CACNA2D3: variants seen among roughly 807,000 people sequenced by gnomAD.
CACNA2D3 encodes voltage-dependent calcium channel subunit alpha-2/delta-3.
In CACNA2D3, 60 loss-of-function variants were observed where a neutral mutation model predicts 160.6. That is an observed-to-expected ratio of 0.37 (90% CI 0.30 to 0.46). CACNA2D3 has a LOEUF of 0.46. Among genes scored for constraint, CACNA2D3 ranks in the 20% least tolerant of loss-of-function variants. The pLI, the probability that CACNA2D3 is intolerant of heterozygous loss-of-function variation, is 1.00. For missense variants in CACNA2D3, 1,205 were observed against 1,365.0 expected (o/e 0.88, Z 1.85); for synonymous variants, 558 against 492.9 (o/e 1.13, Z -1.75).
At chr3:55,073,060 T>G (rs1479899400) in intron 35 of CACNA2D3, among the ~76,000 whole-genome samples, 15 of 152,170 alleles carry the variant, frequency 9.9e-5, no homozygotes, top group Admixed American at 9.8e-4. Context: ...AAAACGCCAC[T>G]TAGAGGAACA....
chr3:54,613,656 G>A (rs1469794648), intron 9 of CACNA2D3, among the ~76,000 whole-genome samples: 1 of 152,190 alleles, frequency 6.6e-6, no homozygotes, highest in African/African-American at 2.4e-5. Flanking sequence ...CAATAACTTA[G>A]TGAACACAAA....
chr3:54,492,816 G>C (rs561578950), intron 4 of CACNA2D3, among the ~76,000 whole-genome samples: 1 of 152,264 alleles, frequency 6.6e-6, no homozygotes, highest in South Asian at 2.1e-4. Context: ...CTGTTTCCCT[G>C]TGAGTATGCT....
intron 27 of CACNA2D3, among the ~76,000 whole-genome samples, chr3:54,908,150 T>C (rs1330011674): frequency 6.6e-6 from 1 of 152,224 alleles, no homozygotes; most frequent in Non-Finnish European, 1.5e-5. Context: ...CCAAAGTGGC[T>C]GCACCATTTT....
intron 14 of CACNA2D3, among the ~76,000 whole-genome samples, chr3:54,835,345 C>T (rs905524864): frequency 3.9e-5 from 6 of 152,140 alleles, no homozygotes; most frequent in Non-Finnish European, 7.3e-5. Context: ...AATATACATA[C>T]GAATCATTAA....
At chr3:54,253,486 C>T (rs927508299) in intron 2 of CACNA2D3, among the ~76,000 whole-genome samples, 5 of 152,064 alleles carry the variant, frequency 3.3e-5, no homozygotes, top group Admixed American at 6.6e-5. Flanking sequence ...CCAGAGCTCA[C>T]AAGAACTCAC....
At chr3:54,901,677 A>G (rs1223619541) in intron 27 of CACNA2D3, among the ~76,000 whole-genome samples, 1 of 152,236 alleles carries the variant, frequency 6.6e-6, no homozygotes, top group Non-Finnish European at 1.5e-5. Flanking sequence ...AAGGCCAAGA[A>G]GCAAGGTCAT....
rs755059950 is a variant in CACNA2D3, at chr3:54,919,242, C to T, written c.2449+19374C>T. Among the ~76,000 whole-genome samples, 23 of 152,316 alleles carry T rather than the reference C, an allele frequency of 1.5e-4. No homozygotes were observed. The East Asian group carries it at 2.3e-3, about 15-fold the overall frequency. On this transcript the variant is annotated intron_variant, in intron 27 of 37. Transcript: ENST00000474759. ...ACAGCTGCCCACTGCATTCGTGCCACGCATGGTCCTAGTGAGCCCCACAGA... is the reference window on the plus strand; with the variant it reads ...ACAGCTGCCCACTGCATTCGTGCCATGCATGGTCCTAGTGAGCCCCACAGA...
chr3:54,422,678 G>A (rs1422337126), intron 4 of CACNA2D3, among the ~76,000 whole-genome samples: 1 of 152,146 alleles, frequency 6.6e-6, no homozygotes, highest in African/African-American at 2.4e-5. Flanking sequence ...TGATGATGAT[G>A]ATGATGATAT....
chr3:54,840,997 C>A (rs1197008680), intron 16 of CACNA2D3, among the ~76,000 whole-genome samples: 1 of 152,160 alleles, frequency 6.6e-6, no homozygotes, highest in Non-Finnish European at 1.5e-5. Flanking sequence ...GCTGGGATTA[C>A]AGGCATGAGC....
chr3:54,665,792 T>A (rs550298618), intron 11 of CACNA2D3, among the ~76,000 whole-genome samples: 15 of 150,048 alleles, frequency 1.0e-4, no homozygotes, highest in Admixed American at 2.0e-4. Flanking sequence ...GATGGTTATT[T>A]TTTTTTTTTT....
At chr3:54,954,305 T>TC (rs1701828142) in intron 27 of CACNA2D3, among the ~76,000 whole-genome samples, 1 of 152,136 alleles carries the variant, frequency 6.6e-6, no homozygotes, top group African/African-American at 2.4e-5. Context: ...CACGAACACT[T>TC]CCCCACTGAG....
chr3:54,877,109 A>T (rs1349256214), intron 18 of CACNA2D3: 1 of 152,230 alleles, frequency 6.6e-6, no homozygotes, highest in Non-Finnish European at 1.5e-5. Context: ...AGGAGAGGTC[A>T]CAAAATCCAT....
At chr3:54,322,490 C>G (rs1034350972) in intron 3 of CACNA2D3, among the ~76,000 whole-genome samples, 2 of 152,176 alleles carry the variant, frequency 1.3e-5, no homozygotes, top group African/African-American at 4.8e-5. Flanking sequence ...TTAGAAATGA[C>G]CAAACAGGCT....
chr3:54,896,728 C>G (rs759072858), intron 25 of CACNA2D3, 21 bp from the exon 26 acceptor site: 1 of 1,613,936 alleles, frequency 6.2e-7, no homozygotes, highest in South Asian at 1.1e-5. Flanking sequence ...GCATGTTCTT[C>G]TGATTCTTTT....
chr3:54,234,588 G>T lies in CACNA2D3; in HGVS notation c.205-85854G>T, dbSNP rs530508938. 2.4e-4 allele frequency among the ~76,000 whole-genome samples: 36 copies of T among 152,264 alleles called. 1 individual carries two copies. The East Asian group carries it at 5.8e-3, about 24-fold the overall frequency. Reference sequence around the variant, plus strand: ...GTTCATTACAGCACTATTCACAGTAGCAAAGACATGGAATTAACCTACATG... The same window carrying T: ...GTTCATTACAGCACTATTCACAGTATCAAAGACATGGAATTAACCTACATG... On this transcript the variant is annotated intron_variant, in intron 2 of 37. Transcript: ENST00000474759.
chr3:54,411,212 C>T (rs2106727235), intron 4 of CACNA2D3, among the ~76,000 whole-genome samples: 1 of 152,250 alleles, frequency 6.6e-6, no homozygotes, highest in African/African-American at 2.4e-5. Flanking sequence ...GTTGAACCAA[C>T]AAGGAGGGAT....
At chr3:54,233,990 G>A (rs914700150) in intron 2 of CACNA2D3, among the ~76,000 whole-genome samples, 1 of 151,956 alleles carries the variant, frequency 6.6e-6, no homozygotes, top group African/African-American at 2.4e-5. Context: ...GACAAAGACA[G>A]CAAAAGCAAA....
chr3:54,270,360 A>G (rs1462807569), intron 2 of CACNA2D3, among the ~76,000 whole-genome samples: 2 of 152,212 alleles, frequency 1.3e-5, no homozygotes, highest in East Asian at 1.9e-4. Context: ...GTGTTGCAGG[A>G]ATTAATCGAC....
chr3:54,123,271 G>A (rs947554954), intron 1 of CACNA2D3, among the ~76,000 whole-genome samples: 5 of 151,678 alleles, frequency 3.3e-5, no homozygotes, highest in African/African-American at 9.7e-5. Flanking sequence ...TCTTTTTAGA[G>A]AGCCTGGGAG....
Sources: allele counts gnomAD v4.1 joint callset (sites outside exome capture counted in the v4.1 genomes callset), GRCh38; gene constraint gnomAD v4.1.1; transcripts MANE v1.5; gene names NCBI Gene and HGNC (gene_info 2026-07-23, HGNC 2026-07-21).